SIRPA: variants seen among roughly 807,000 people sequenced by gnomAD.
The protein encoded by SIRPA is tyrosine-protein phosphatase non-receptor type substrate 1.
In SIRPA, 9 loss-of-function variants were observed where a neutral mutation model predicts 50.3. The observed-to-expected ratio is 0.18, with a 90% CI of 0.11 to 0.31. The LOEUF (loss-of-function observed/expected upper bound fraction) is 0.31. SIRPA is among the 10% of genes least tolerant of loss of function. SIRPA has a pLI of 1.00. For synonymous variants in SIRPA, 265 were observed against 284.1 expected (o/e 0.93, Z 0.68); for missense variants, 474 against 661.6 (o/e 0.72, Z 3.11).
intron 2 of SIRPA, among the ~76,000 whole-genome samples, chr20:1,918,335 A>G (rs1985425800): frequency 1.4e-5 from 2 of 147,216 alleles, no homozygotes; most frequent in Non-Finnish European, 3.0e-5. Context: ...AGCTGGGATT[A>G]CAGGGGCACC....
rs967304709 is a variant in SIRPA at position 1,895,557 on chromosome 20, C to T, written c.79+31C>T. ...CACCCCCCCGCTCCCCACCGCTGCA[C>T]TCCCCAAACTGCGGGCTCAGGCCTC... is the stretch of plus-strand genomic sequence containing the variant. On this transcript the variant is annotated intron_variant, in intron 1 of 7. Transcript: ENST00000358771. 8 of 1,389,804 alleles carry T rather than the reference C, an allele frequency of 5.8e-6. No homozygotes were observed. In the Admixed American group the frequency reaches 1.1e-4, roughly 19 times the overall value. The allele number at this position is 1,389,804 out of a possible 1,614,324, so 86.1% of individuals were successfully genotyped here.
At chr20:1,904,122 C>G (rs140002338) in intron 1 of SIRPA, among the ~76,000 whole-genome samples, 5 of 152,156 alleles carry the variant, frequency 3.3e-5, no homozygotes, top group Admixed American at 2.6e-4. Context: ...ACAGTCCCCC[C>G]CCTGCAGCCA....
intron 1 of SIRPA, among the ~76,000 whole-genome samples, chr20:1,899,557 T>C (rs543161875): frequency 6.6e-6 from 1 of 152,328 alleles, no homozygotes; most frequent in East Asian, 1.9e-4. Flanking sequence ...AACTCTCAGC[T>C]CTGTGCCTTG....
At chr20:1,899,794 G>A (rs1338328040) in intron 1 of SIRPA, among the ~76,000 whole-genome samples, 3 of 152,166 alleles carry the variant, frequency 2.0e-5, no homozygotes, top group Non-Finnish European at 2.9e-5. Context: ...AGGAATCTGT[G>A]TCTCATTTTG....
At chr20:1,903,969 C>G (rs1984390827) in intron 1 of SIRPA, among the ~76,000 whole-genome samples, 1 of 152,152 alleles carries the variant, frequency 6.6e-6, no homozygotes, top group Non-Finnish European at 1.5e-5. Context: ...CCTCCCAGGA[C>G]CTCAGCACAG....
intron 1 of SIRPA, among the ~76,000 whole-genome samples, chr20:1,904,470 A>G (rs1396768131): frequency 2.6e-5 from 4 of 152,132 alleles, no homozygotes; most frequent in African/African-American, 4.8e-5. Context: ...GGGAGGTGGA[A>G]TCAGACCACT....
At chr20:1,929,729 C>T (rs1375170220) in intron 6 of SIRPA, among the ~76,000 whole-genome samples, 1 of 152,216 alleles carries the variant, frequency 6.6e-6, no homozygotes, top group African/African-American at 2.4e-5. Flanking sequence ...AGGCTCTTCA[C>T]TGCCTTCTGG....
At position 1,925,003 on chromosome 20, in the gene SIRPA, G is replaced by T. The variant is rs534368699; in HGVS notation, c.1201+126G>T. ...AGTAGCAAGAAGTCCAGAGGTAGTG[G>T]TGCTAGGGCTGGGGCAGTGGCCTCA... On this transcript the variant is annotated intron_variant, in intron 5 of 7. Coordinates refer to ENST00000358771, the MANE Select transcript of SIRPA (RefSeq NM_001040023.2). 5 of 741,302 alleles carry T rather than the reference G, an allele frequency of 6.7e-6. No individual in the cohort carries two copies. In the Admixed American group the frequency reaches 1.1e-4, roughly 16 times the overall value. The allele number at this position is 741,302 out of a possible 1,614,324, so 45.9% of individuals were successfully genotyped here.
rs1985220998 is a variant in SIRPA, at chr20:1,915,464, A to G, written c.436+9A>G. The G allele has an allele frequency of 1.4e-5, 22 of 1,612,804 alleles. No homozygotes were observed. The highest frequency in any genetic ancestry group is 1.7e-5 in the Non-Finnish European group (20 of 1,179,102). Reference sequence around the variant, plus strand: ...TGAGCTGTCTGTGCGCGGTGAGTACAGCGTGGGCCTCCTTTGCCTCTGGTT... The same window carrying G: ...TGAGCTGTCTGTGCGCGGTGAGTACGGCGTGGGCCTCCTTTGCCTCTGGTT... On this transcript the variant is annotated intron_variant, in intron 2 of 7. Transcript: ENST00000358771.
Position 1,934,836 on chromosome 20 carries a change from C to A in SIRPA, c.1266+82C>A. On this transcript the variant is annotated intron_variant, in intron 7 of 7. Transcript: ENST00000358771. This position sits in a 1 kb window ranked among gnomAD's most constrained non-coding sequence, Gnocchi z 4.6. ...ATCAACCGGAATTGCAGATCTGGTT[C>A]TAAATTAAGACTCCTTGTGGGGTGG... The A allele has an allele frequency of 6.8e-7, 1 of 1,468,368 alleles. No individual in the cohort carries two copies. The highest frequency in any genetic ancestry group is 9.5e-7 in the Non-Finnish European group (1 of 1,047,598). 91.0% of individuals were successfully genotyped at this position (1,468,368 alleles called of 1,614,324 possible).
intron 7 of SIRPA, among the ~76,000 whole-genome samples, chr20:1,935,287 T>C (rs1986515212): frequency 6.6e-6 from 1 of 152,208 alleles, no homozygotes; most frequent in Admixed American, 6.5e-5. Flanking sequence ...CTGAGATGAT[T>C]TTGCAGCAAC....
intron 5 of SIRPA, 125 bp downstream of exon 5, chr20:1,925,002 G>T: frequency 2.7e-6 from 2 of 749,580 alleles, no homozygotes; most frequent in Non-Finnish European, 4.6e-6. Flanking sequence ...CAGAGGTAGT[G>T]GTGCTAGGGC....
rs534404809 is a variant in SIRPA, at chr20:1,940,550, T to C, written c.*2982T>C. 1 of 152,324 alleles carries C rather than the reference T, an allele frequency of 6.6e-6. No individual in the cohort carries two copies. Among genetic ancestry groups the C allele is most frequent in the South Asian group, 2.1e-4 (1 of 4,828 alleles). 9.4% of individuals were successfully genotyped at this position (152,324 alleles called of 1,614,324 possible). ...TCCCTCCATTAGATCATTAATGATA[T>C]TAGTGCTAATTATGTAATAAAGTTA... On this transcript the variant is annotated 3_prime_UTR_variant, in exon 8 of 8. Transcript: ENST00000358771.
In SIRPA at chr20:1,934,963, G is replaced by A. The variant is rs895538861; in HGVS notation, c.1266+209G>A. 3.9e-5 allele frequency among the ~76,000 whole-genome samples: 6 copies of A among 152,124 alleles called. No individual in the cohort carries two copies. Among genetic ancestry groups the A allele is most frequent in the African/African-American group, 9.7e-5 (4 of 41,418 alleles). Reference sequence around the variant, plus strand: ...CTGTTGCAGCCTCATGACTCAGTGCGACCCATTGCACAACTCCCCAGGGGC... The same window carrying A: ...CTGTTGCAGCCTCATGACTCAGTGCAACCCATTGCACAACTCCCCAGGGGC... On this transcript the variant is annotated intron_variant, in intron 7 of 7. Coordinates refer to ENST00000358771, the MANE Select transcript of SIRPA (RefSeq NM_001040023.2). The surrounding 1 kb of genome is among the most constrained non-coding windows in gnomAD (Gnocchi z 4.6).
intron 1 of SIRPA, among the ~76,000 whole-genome samples, chr20:1,899,161 G>A (rs979899737): frequency 6.6e-6 from 1 of 151,502 alleles, no homozygotes; most frequent in African/African-American, 2.4e-5. Context: ...CTCAGATCAT[G>A]TCACTCCCCA....
chr20:1,931,720 C>CT (rs1986309244), intron 6 of SIRPA, among the ~76,000 whole-genome samples: 1 of 152,112 alleles, frequency 6.6e-6, no homozygotes, highest in South Asian at 2.1e-4. Flanking sequence ...TCAAGGGGTT[C>CT]TTCAGGTTGC....
Position 1,932,873 on chromosome 20 carries a change from G to A in SIRPA, c.1227-1842G>A, listed in dbSNP as rs144925413. ...TCTCCAGCCTGAGCACAGGATGACC[G>A]ATGGTAGAGCTATTCACTGAAATAG... is the stretch of plus-strand genomic sequence containing the variant. On this transcript the variant is annotated intron_variant, in intron 6 of 7. Transcript: ENST00000358771. This position sits in a 1 kb window ranked among gnomAD's most constrained non-coding sequence, Gnocchi z 6.0. Among the ~76,000 whole-genome samples, 8 of 152,308 alleles carry A rather than the reference G, an allele frequency of 5.3e-5. No individual in the cohort carries two copies. The East Asian group carries it at 7.7e-4, about 15-fold the overall frequency.
upstream of SIRPA, chr20:1,894,832 G>A (rs1167262431): frequency 6.8e-6 from 1 of 147,812 alleles, no homozygotes; most frequent in Non-Finnish European, 1.5e-5. The surrounding 1 kb of genome is among the most constrained non-coding windows in gnomAD (Gnocchi z 4.0). Flanking sequence ...GCCTCCCCGG[G>A]CGGCGGGAAG....
chr20:1,911,562 A>G (rs1984888010), intron 1 of SIRPA, among the ~76,000 whole-genome samples: 3 of 152,166 alleles, frequency 2.0e-5, no homozygotes, highest in Admixed American at 6.5e-5. Flanking sequence ...ACCATCCCCT[A>G]TCATTGACCG....
Sources: gnomAD v4.1 joint callset for allele counts (sites outside exome capture counted in the v4.1 genomes callset) on GRCh38, gnomAD v4.1.1 for gene constraint, Gnocchi (gnomAD v3.1) non-coding constraint, MANE v1.5 for transcripts, NCBI Gene and HGNC (gene_info 2026-07-23, HGNC 2026-07-21) for gene names.